LAYN: variants seen among roughly 807,000 people sequenced by gnomAD.
LAYN encodes the protein layilin.
In LAYN, 38 loss-of-function variants were observed where a neutral mutation model predicts 43.6. The ratio of observed to expected loss-of-function variants is 0.87; its 90% CI spans 0.67 to 1.14. LAYN has a LOEUF of 1.14. LAYN is among the 50% of genes most tolerant of loss of function. LAYN has a pLI of 0.00. For synonymous variants in LAYN, 168 were observed against 172.9 expected (o/e 0.97, Z 0.22); for missense variants, 479 against 463.8 (o/e 1.03, Z -0.30).
chr11:111,546,057 ACTAC>A (rs532497988), intron 2 of LAYN, among the ~76,000 whole-genome samples: 106 of 152,326 alleles, frequency 7.0e-4, no homozygotes, highest in African/African-American at 2.5e-3. Flanking sequence ...CATCTCTGCC[ACTAC>A]CTATTAGTAT....
intron 1 of LAYN, among the ~76,000 whole-genome samples, chr11:111,542,058 A>G (rs571531435): frequency 1.3e-5 from 2 of 152,240 alleles, no homozygotes; most frequent in South Asian, 2.1e-4. Context: ...TCCCTTGACA[A>G]TCCAACATGG....
chr11:111,543,939 G>A lies in LAYN; in HGVS notation c.102G>A (p.Arg34=), dbSNP rs1228509751. ...TTTCTCTAGGGCAGCCAGTCTGCCG[G>A]GGAGGGACACAGAGGCCTTGTTATA... ...GRLLSGQPVC[R]GGTQRPCYKV... Residue 34 remains arginine (R), a synonymous_variant, in exon 2 of 7, where the codon CGG becomes CGA. Transcript: ENST00000375614. 3 of 1,612,154 alleles carry A rather than the reference G, an allele frequency of 1.9e-6. No individual in the cohort carries two copies. In the African/African-American group the frequency reaches 4.0e-5, roughly 22 times the overall value.
intron 1 of LAYN, among the ~76,000 whole-genome samples, chr11:111,542,385 C>T (rs1300589119): frequency 2.0e-5 from 3 of 152,212 alleles, no homozygotes; most frequent in Non-Finnish European, 4.4e-5. Flanking sequence ...ACTCTTATAA[C>T]TTGTTGCTCA....
At chr11:111,549,889 G>A (rs1329549052) in intron 3 of LAYN, 114 bp downstream of exon 3, 6 of 1,098,506 alleles carry the variant, frequency 5.5e-6, no homozygotes, top group South Asian at 4.7e-5. Flanking sequence ...TGTTGCAAAT[G>A]CCAGCAACAT....
Position 111,560,153 on chromosome 11 carries a change from C to G in LAYN, c.820C>G (p.His274Asp), listed in dbSNP as rs990148801. 4.3e-6 allele frequency: 7 copies of G among 1,614,068 alleles called. No homozygotes were observed. The African/African-American group carries it at 9.3e-5, about 22-fold the overall frequency. Residue 274 changes from histidine to aspartate, a missense_variant, in exon 7 of 7, where the codon CAC becomes GAC. His to Asp is a moderately conservative substitution (Grantham distance 81, BLOSUM62 -1). Coordinates refer to ENST00000375614, the MANE Select transcript of LAYN (RefSeq NM_178834.5). Reference sequence around the variant, plus strand: ...GCAACACACCATCTGGCCCTCTCCTCACCAGGGAAACAGCCCGGACCTAGA... The same window carrying G: ...GCAACACACCATCTGGCCCTCTCCTGACCAGGGAAACAGCCCGGACCTAGA... ...KKQHTIWPSP[H>D]QGNSPDLEVY... is the part of the protein sequence containing the mutation.
At chr11:111,540,343 C>G, upstream of LAYN, 1 of 163,342 alleles carries the variant, frequency 6.1e-6, no homozygotes, top group Non-Finnish European at 1.3e-5. Context: ...AGGTAGGAGT[C>G]CACGCATCGC....
chr11:111,545,076 T>TATATA (rs35836917), intron 2 of LAYN, among the ~76,000 whole-genome samples: 64 of 145,764 alleles, frequency 4.4e-4, no homozygotes, highest in Non-Finnish European at 7.0e-4. Flanking sequence ...ATATATATAT[T>TATATA]TTTTACCTAT....
chr11:111,554,481 G>A, intron 3 of LAYN, 80 bp from the exon 4 acceptor site: 1 of 1,053,850 alleles, frequency 9.5e-7, no homozygotes, highest in South Asian at 1.3e-5. Context: ...ATAAATGGAT[G>A]CCATGAGGCT....
At position 111,561,007 on chromosome 11, in the gene LAYN, A is replaced by G. The variant is rs956993392; in HGVS notation, c.*549A>G. ...CAGCCCTTCCTCTGCATGTGGCCAC[A>G]GGGGACCTTTTTTTGTTTCTCCTGA... On this transcript the variant is annotated 3_prime_UTR_variant, in exon 7 of 7. Coordinates refer to ENST00000375614, the MANE Select transcript of LAYN (RefSeq NM_178834.5). The G allele has an allele frequency of 3.9e-5, 6 of 152,676 alleles. No homozygotes were observed. Among genetic ancestry groups the G allele is most frequent in the African/African-American group, 7.2e-5 (3 of 41,454 alleles). The allele number at this position is 152,676 out of a possible 1,614,324, so 9.5% of individuals were successfully genotyped here.
At chr11:111,542,462 G>A (rs1245891743) in intron 1 of LAYN, among the ~76,000 whole-genome samples, 3 of 152,234 alleles carry the variant, frequency 2.0e-5, no homozygotes, top group Non-Finnish European at 1.5e-5. Context: ...GAGCTTTCTG[G>A]ATAATCTGTA....
chr11:111,559,544 G>A (rs1055571532), intron 6 of LAYN, among the ~76,000 whole-genome samples: 3 of 151,610 alleles, frequency 2.0e-5, no homozygotes, highest in East Asian at 1.9e-4. Flanking sequence ...AGCTCACTGC[G>A]GCCTTGACCT....
Position 111,560,638 on chromosome 11 carries a change from C to T in LAYN, c.*180C>T. 1 of 649,124 alleles carries T rather than the reference C, an allele frequency of 1.5e-6. No individual in the cohort carries two copies. Among genetic ancestry groups the T allele is most frequent in the Non-Finnish European group, 2.6e-6 (1 of 387,534 alleles). 40.2% of individuals were successfully genotyped at this position (649,124 alleles called of 1,614,324 possible). ...CCACGTTTTGGCTGTATCCTTTATC[C>T]CAGCCAGTCATCCAGCTCGACCTTA... On this transcript the variant is annotated 3_prime_UTR_variant, in exon 7 of 7. Transcript: ENST00000375614.
At chr11:111,558,920 C>T (rs989807938) in intron 6 of LAYN, among the ~76,000 whole-genome samples, 5 of 151,540 alleles carry the variant, frequency 3.3e-5, no homozygotes, top group Admixed American at 2.0e-4. Context: ...CCCAAGTAGC[C>T]GGGATTACAG....
chr11:111,554,571 A>T lies in LAYN; in HGVS notation c.552A>T (p.Ala184=), dbSNP rs138371688. 28 of 1,612,822 alleles carry T rather than the reference A, an allele frequency of 1.7e-5. No homozygotes were observed. In the African/African-American group the frequency reaches 3.3e-4, roughly 19 times the overall value. ...TTCTTTCTACTACAGAGAAACCAGC[A>T]GTTCCTTCTAGAGAAGCTGAAGGTA... ...FICKYSDEKP[A]VPSREAEGEE... Residue 184 remains alanine (A), a synonymous_variant, in exon 4 of 7, where the codon GCA becomes GCT. Transcript: ENST00000375614.
At chr11:111,552,803 T>C (rs1420216269) in intron 3 of LAYN, among the ~76,000 whole-genome samples, 1 of 152,228 alleles carries the variant, frequency 6.6e-6, no homozygotes, top group Admixed American at 6.5e-5. Context: ...TATTTCCAGA[T>C]TTTATGGCTA....
intron 2 of LAYN, 44 bp from the exon 3 acceptor site, chr11:111,549,574 G>A (rs367816571): frequency 1.5e-4 from 215 of 1,465,640 alleles, no homozygotes; most frequent in Non-Finnish European, 1.8e-4. Flanking sequence ...AAGTCTCAGG[G>A]GATCCTTCTC....
intron 2 of LAYN, among the ~76,000 whole-genome samples, chr11:111,545,398 C>T (rs1330923793): frequency 1.3e-5 from 2 of 152,148 alleles, no homozygotes; most frequent in Admixed American, 1.3e-4. Context: ...ATCTGGGGTC[C>T]TAGTTGCCTT....
intron 2 of LAYN, among the ~76,000 whole-genome samples, chr11:111,545,072 ATATT>A (rs1404477229): frequency 2.7e-5 from 4 of 149,708 alleles, no homozygotes; most frequent in African/African-American, 9.9e-5. Flanking sequence ...ATATATATAT[ATATT>A]TTTTACCTAT....
At chr11:111,556,464 C>T (rs571773388) in intron 5 of LAYN, among the ~76,000 whole-genome samples, 4 of 152,332 alleles carry the variant, frequency 2.6e-5, no homozygotes, top group African/African-American at 9.6e-5. Flanking sequence ...TGGCCAGCCC[C>T]CGTCTGAATC....
Sources: allele counts gnomAD v4.1 joint callset (sites outside exome capture counted in the v4.1 genomes callset), GRCh38; gene constraint gnomAD v4.1.1; transcripts MANE v1.5; gene names NCBI Gene and HGNC (gene_info 2026-07-23, HGNC 2026-07-21).